EGFLAM: variants seen among roughly 807,000 people sequenced by gnomAD.
The protein encoded by EGFLAM is pikachurin.
A neutral mutation model predicts 113.1 loss-of-function variants in EGFLAM; 79 were observed. The observed-to-expected ratio is 0.70, with a 90% CI of 0.58 to 0.84. The LOEUF is 0.84. Among genes scored for constraint, EGFLAM ranks in the 40% least tolerant of loss-of-function variants. EGFLAM has a pLI of 0.00. For synonymous variants in EGFLAM, 504 were observed against 487.6 expected, an observed-to-expected ratio of 1.03 and a Z score of -0.44; for missense variants, 1,265 against 1,291.6, an observed-to-expected ratio of 0.98 and a Z score of 0.32.
rs1561111098 is a variant in EGFLAM, at chr5:38,463,905, C to T, written c.2949C>T (p.Phe983=). The T allele has an allele frequency of 2.5e-6, 4 of 1,614,246 alleles. No homozygotes were observed. Among genetic ancestry groups the T allele is most frequent in the South Asian group, 2.2e-5 (2 of 91,082 alleles). ...GGCTCGTGGGCTGTATCTCTCACTT[C>T]ACCCTGTCCACCGATTACCACATTT... The part of the protein sequence containing the change: ...MRGLVGCISH[F]TLSTDYHISL... The change falls in exon 22 of 22, where the codon TTC becomes TTT. Residue 983 remains phenylalanine (F), a synonymous_variant. Coordinates refer to ENST00000322350, the MANE Select transcript of EGFLAM (RefSeq NM_152403.4).
chr5:38,411,553 G>C (rs995612377), intron 10 of EGFLAM, among the ~76,000 whole-genome samples: 2 of 146,740 alleles, frequency 1.4e-5, no homozygotes, highest in African/African-American at 5.1e-5. Context: ...TGCAATCTGG[G>C]CTCACTTCAA....
In EGFLAM at chr5:38,370,467, G is replaced by A. The variant is rs1740178482; in HGVS notation, c.712+5G>A. On this transcript the variant is annotated splice_donor_5th_base_variant and intron_variant, in intron 6 of 21. Coordinates refer to ENST00000322350, the MANE Select transcript of EGFLAM (RefSeq NM_152403.4). ...GTGACATCATCCGGACCCTCTGTGA[G>A]TACCAGGGTCCTTCTGAGGGACCAA... 1.2e-6 allele frequency: 2 copies of A among 1,612,598 alleles called. No homozygotes were observed. Among genetic ancestry groups the A allele is most frequent in the Non-Finnish European group, 1.7e-6 (2 of 1,179,106 alleles).
At chr5:38,336,272 T>C (rs1436864784) in intron 1 of EGFLAM, among the ~76,000 whole-genome samples, 2 of 152,120 alleles carry the variant, frequency 1.3e-5, no homozygotes, top group Admixed American at 1.3e-4. Flanking sequence ...AACAAAACAA[T>C]TTAAAAATTA....
intron 1 of EGFLAM, among the ~76,000 whole-genome samples, chr5:38,272,870 T>C (rs1176994425): frequency 6.6e-6 from 1 of 152,158 alleles, no homozygotes. Context: ...GAAGTATTAG[T>C]GATACATGTA....
chr5:38,302,065 C>G (rs1316839914), intron 1 of EGFLAM, among the ~76,000 whole-genome samples: 3 of 151,976 alleles, frequency 2.0e-5, no homozygotes, highest in Admixed American at 1.3e-4. Flanking sequence ...CGTAGCGAAA[C>G]CCCGTCTCTA....
intron 6 of EGFLAM, among the ~76,000 whole-genome samples, chr5:38,382,783 T>G (rs531395557): frequency 6.6e-6 from 1 of 152,346 alleles, no homozygotes; most frequent in East Asian, 1.9e-4. Context: ...TGGTACCAGC[T>G]TCTTATTCCC....
intron 15 of EGFLAM, among the ~76,000 whole-genome samples, chr5:38,434,804 G>A (rs1742292192): frequency 6.6e-6 from 1 of 152,224 alleles, no homozygotes. Context: ...ACAGGTTGGA[G>A]GCAATCTTCC....
chr5:38,355,914 C>T lies in EGFLAM; in HGVS notation c.545+3583C>T, dbSNP rs536118043. 4.1e-4 allele frequency among the ~76,000 whole-genome samples: 62 copies of T among 152,236 alleles called. No homozygotes were observed. The East Asian group carries it at 7.5e-3, about 19-fold the overall frequency. ...TAGCTGGGGTTACAGGCACCCACCA[C>T]GATGCCTGGCTAATTTATGTATTTT... On this transcript the variant is annotated intron_variant, in intron 5 of 21. Coordinates refer to ENST00000322350, the MANE Select transcript of EGFLAM (RefSeq NM_152403.4).
intron 1 of EGFLAM, among the ~76,000 whole-genome samples, chr5:38,309,083 T>C (rs887719089): frequency 6.6e-6 from 1 of 152,248 alleles, no homozygotes; most frequent in Non-Finnish European, 1.5e-5. Flanking sequence ...TTATGTTATA[T>C]GAATTTATCA....
intron 1 of EGFLAM, among the ~76,000 whole-genome samples, chr5:38,327,537 G>A (rs534885318): frequency 6.6e-6 from 1 of 151,912 alleles, no homozygotes; most frequent in Admixed American, 6.6e-5. Flanking sequence ...TAATAGTATT[G>A]GTGGCAATTG....
chr5:38,436,240 G>A, intron 16 of EGFLAM, among the ~76,000 whole-genome samples: 1 of 152,160 alleles, frequency 6.6e-6, no homozygotes, highest in East Asian at 1.9e-4. Context: ...CAAACACTGG[G>A]AGAACAAGGA....
At position 38,352,284 on chromosome 5, in the gene EGFLAM, G is replaced by C. The variant is rs758620907; in HGVS notation, c.498G>C (p.Ala166=). The change falls in exon 5 of 22, where the codon GCG becomes GCC. Residue 166 remains alanine, a synonymous_variant. Coordinates refer to ENST00000322350, the MANE Select transcript of EGFLAM (RefSeq NM_152403.4). ...TGGCCCTGTCTTGGAAACCTGGAGC[G>C]AGTGAAGGAAGCGCCCCTATTCAGT... ...SEVALSWKPG[A]SEGSAPIQYY... is the part of the protein sequence containing the mutation. 6.2e-7 allele frequency: 1 copy of C among 1,614,082 alleles called. No individual in the cohort carries two copies. The highest frequency in any genetic ancestry group is 8.5e-7 in the Non-Finnish European group (1 of 1,180,020).
At position 38,409,032 on chromosome 5, in the gene EGFLAM, A is replaced by T; in HGVS notation, c.1277A>T (p.Tyr426Phe). ...RAEAEDGLLL[Y>F]CGENEHGRGD... is the part of the protein sequence containing the mutation. ...GAGGCAGAGGATGGCTTACTGCTCTACTGTGGGGAGAACGAACACGGGAGG... is the reference window on the plus strand; with the variant it reads ...GAGGCAGAGGATGGCTTACTGCTCTTCTGTGGGGAGAACGAACACGGGAGG... The change falls in exon 10 of 22, where the codon TAC (tyrosine) becomes TTC (phenylalanine). Residue 426 changes from tyrosine (Y) to phenylalanine (F), a missense_variant. Physicochemically the swap from Tyr to Phe is conservative, Grantham distance 22 (BLOSUM62 3). Transcript: ENST00000322350. 1 of 1,594,666 alleles carries T rather than the reference A, an allele frequency of 6.3e-7. No homozygotes were observed. Among genetic ancestry groups the T allele is most frequent in the South Asian group, 1.1e-5 (1 of 87,800 alleles).
At chr5:38,400,786 G>T (rs1320693098) in intron 6 of EGFLAM, among the ~76,000 whole-genome samples, 2 of 152,176 alleles carry the variant, frequency 1.3e-5, no homozygotes, top group Non-Finnish European at 1.5e-5. Flanking sequence ...CAGAATTCTA[G>T]ATCAACTCTG....
At chr5:38,387,710 T>G (rs1232903018) in intron 6 of EGFLAM, among the ~76,000 whole-genome samples, 1 of 152,276 alleles carries the variant, frequency 6.6e-6, no homozygotes, top group Admixed American at 6.5e-5. Flanking sequence ...CTTGCTTTAG[T>G]CAATATGCCA....
chr5:38,361,255 C>T (rs559083863), intron 5 of EGFLAM, among the ~76,000 whole-genome samples: 27 of 152,250 alleles, frequency 1.8e-4, no homozygotes, highest in African/African-American at 6.0e-4. Flanking sequence ...CAGGACTCCT[C>T]TTTAAGTGTC....
At chr5:38,461,602 CTT>C (rs1743275740) in intron 20 of EGFLAM, among the ~76,000 whole-genome samples, 1 of 151,996 alleles carries the variant, frequency 6.6e-6, no homozygotes, top group South Asian at 2.1e-4. Context: ...TAAGAAAGCA[CTT>C]CCCAAATGGG....
At chr5:38,390,405 G>A (rs1206473024) in intron 6 of EGFLAM, among the ~76,000 whole-genome samples, 1 of 152,022 alleles carries the variant, frequency 6.6e-6, no homozygotes, top group Non-Finnish European at 1.5e-5. Context: ...TACTGTAGTT[G>A]GACATTTAAG....
chr5:38,304,223 T>G (rs531980950), intron 1 of EGFLAM, among the ~76,000 whole-genome samples: 8 of 151,764 alleles, frequency 5.3e-5, no homozygotes, highest in Admixed American at 6.6e-5. Flanking sequence ...TCCCATAAAT[T>G]CTCAGAGTTT....
Sources: gnomAD v4.1 joint callset for allele counts (sites outside exome capture counted in the v4.1 genomes callset) on GRCh38, gnomAD v4.1.1 for gene constraint, MANE v1.5 for transcripts, NCBI Gene and HGNC (gene_info 2026-07-23, HGNC 2026-07-21) for gene names.